Variants in CACNA1H observed in about 807,000 individuals in gnomAD.
CACNA1H encodes voltage-dependent T-type calcium channel subunit alpha-1H.
CACNA1H carries 149 observed loss-of-function variants against 192.5 expected under a neutral mutation model. That is an observed-to-expected ratio of 0.77 (90% CI 0.68 to 0.89). The LOEUF is 0.89. Among genes scored for constraint, CACNA1H ranks in the 40% least tolerant of loss-of-function variants. The pLI is 0.00. For synonymous variants in CACNA1H, 2,202 were observed against 1,475.2 expected (o/e 1.49, Z -11.29); for missense variants, 4,257 against 3,423.5 (o/e 1.24, Z -6.08).
chr16:1,154,783 C>G (rs566071922), intron 2 of CACNA1H, among the ~76,000 whole-genome samples: 1 of 152,298 alleles, frequency 6.6e-6, no homozygotes, highest in South Asian at 2.1e-4. Flanking sequence ...AGAGAAGGTT[C>G]CAGAACAGAG....
Position 1,220,955 on chromosome 16 carries a change from C to T in CACNA1H, c.7023C>T (p.Ala2341=). ...CPLEKPGSPS[A]TPAPGGGADD... ...TGGAGAAACCAGGGTCCCCCTCAGC[C>T]ACCCCTGCCCCAGGGGGTGGTGCAG... Residue 2341 remains alanine, a synonymous_variant, in exon 35 of 35, where the codon GCC becomes GCT. Transcript: ENST00000348261. The T allele has an allele frequency of 2.5e-6, 4 of 1,605,190 alleles. No individual in the cohort carries two copies. Among genetic ancestry groups the T allele is most frequent in the Non-Finnish European group, 3.4e-6 (4 of 1,175,678 alleles).
chr16:1,207,719 G>T, intron 14 of CACNA1H, 51 bp from the exon 15 acceptor site: 1 of 1,474,288 alleles, frequency 6.8e-7, no homozygotes, highest in Non-Finnish European at 9.3e-7. Flanking sequence ...GGCATGAAGG[G>T]TCCCCACTCA....
chr16:1,182,560 G>C (rs113276398), intron 2 of CACNA1H, among the ~76,000 whole-genome samples: 2 of 152,144 alleles, frequency 1.3e-5, no homozygotes, highest in Admixed American at 6.5e-5. Flanking sequence ...CCAACTGCCC[G>C]TGTGAGTCAC....
intron 2 of CACNA1H, among the ~76,000 whole-genome samples, chr16:1,185,648 GT>G (rs1567475649): frequency 1.3e-3 from 18 of 13,778 alleles, no homozygotes; most frequent in East Asian, 5.3e-3. Context: ...CGAGTAGACG[GT>G]CGGCATGCAT....
rs1164666853 is a variant in CACNA1H, at chr16:1,201,781, A to G, written c.1331A>G (p.Asp444Gly). Residue 444 changes from aspartate to glycine, a missense_variant, in exon 9 of 35, where the codon GAC becomes GGC. Coordinates refer to ENST00000348261, the MANE Select transcript of CACNA1H (RefSeq NM_021098.3). ...CAGCGGGCACGCCACCTGTCCAACG[A>G]CAGCACGCTGGCCAGCTTCTCCGAG... is the stretch of plus-strand genomic sequence containing the variant. The part of the protein sequence containing the change: ...REQRARHLSN[D>G]STLASFSEPG... The G allele has an allele frequency of 6.2e-7, 1 of 1,602,406 alleles. No homozygotes were observed. The highest frequency in any genetic ancestry group is 1.7e-5 in the Admixed American group (1 of 58,508).
At chr16:1,190,273 A>C (rs1467957988) in intron 2 of CACNA1H, among the ~76,000 whole-genome samples, 1 of 152,268 alleles carries the variant, frequency 6.6e-6, no homozygotes, top group African/African-American at 2.4e-5. Context: ...AATTTATAGA[A>C]GTTGATTTGA....
rs1193694498 is a variant in CACNA1H at position 1,210,055 on chromosome 16, T to A, written c.3765T>A (p.His1255Gln). ...DSEDSCCLRL[H>Q]KVLEPYKPQW... ...CACAGAGCTGCTGCCTCCGCCTGCA[T>A]AAAGTGCTGGAGCCCTACAAGCCCC... Residue 1255 changes from histidine to glutamine, a missense_variant, in exon 18 of 35, where the codon CAT becomes CAA. Physicochemically the swap from His to Gln is conservative, Grantham distance 24. Transcript: ENST00000348261. The A allele has an allele frequency of 6.4e-7, 1 of 1,552,912 alleles. No individual in the cohort carries two copies. Among genetic ancestry groups the A allele is most frequent in the East Asian group, 2.4e-5 (1 of 41,068 alleles).
rs762016050 is a variant in CACNA1H at position 1,211,247 on chromosome 16, C to T, written c.4303C>T (p.Leu1435Phe). 6 of 1,613,020 alleles carry T rather than the reference C, an allele frequency of 3.7e-6. No homozygotes were observed. The Admixed American group carries it at 5.0e-5, about 13-fold the overall frequency. The change falls in exon 22 of 35, where the codon CTC becomes TTC. Residue 1435 changes from leucine (L) to phenylalanine (F), a missense_variant. Coordinates refer to ENST00000348261, the MANE Select transcript of CACNA1H (RefSeq NM_021098.3). ...SSLRPIGNIV[L>F]ICCAFFIIFG... ...ACTCAGGCCCATTGGGAACATCGTC[C>T]TCATCTGCTGCGCCTTCTTCATCAT...
intron 7 of CACNA1H, 33 bp downstream of exon 7, chr16:1,200,604 G>T: frequency 6.2e-7 from 1 of 1,607,544 alleles, no homozygotes; most frequent in Non-Finnish European, 8.5e-7. Flanking sequence ...GGGGACCCTG[G>T]GGCACGGCAG....
chr16:1,213,744 C>T, intron 26 of CACNA1H, 36 bp from the exon 27 acceptor site: 1 of 1,473,000 alleles, frequency 6.8e-7, no homozygotes, highest in Non-Finnish European at 8.9e-7. Context: ...GCCGGGCGGC[C>T]CTCCTGCCCG....
chr16:1,195,792 T>G, intron 4 of CACNA1H, 134 bp from the exon 5 acceptor site: 1 of 892,632 alleles, frequency 1.1e-6, no homozygotes, highest in East Asian at 2.6e-5. Context: ...CTCGGGGCCC[T>G]TCCTGGCCAG....
chr16:1,214,244 A>G (rs1362919037), intron 27 of CACNA1H, among the ~76,000 whole-genome samples: 2 of 151,974 alleles, frequency 1.3e-5, no homozygotes, highest in Non-Finnish European at 2.9e-5. Flanking sequence ...GGAGCCAGGC[A>G]GGCCTGAGGT....
chr16:1,202,228 A>G lies in CACNA1H; in HGVS notation c.1778A>G (p.His593Arg). ...CCGCAGGAGAGGGCCCGGGTGGCAC[A>G]TGCCGCAGCCACTGCCGCTGCCAGC... is the stretch of plus-strand genomic sequence containing the variant. The part of the protein sequence containing the change: ...EGPQERARVA[H>R]AAATAAASLR... The change falls in exon 9 of 35, where the codon CAT becomes CGT. Residue 593 changes from histidine (H) to arginine (R), a missense_variant. Coordinates refer to ENST00000348261, the MANE Select transcript of CACNA1H (RefSeq NM_021098.3). 1 of 1,556,136 alleles carries G rather than the reference A, an allele frequency of 6.4e-7. No individual in the cohort carries two copies. Among genetic ancestry groups the G allele is most frequent in the East Asian group, 2.4e-5 (1 of 41,154 alleles).
At chr16:1,205,954 A>G (rs984551701) in intron 11 of CACNA1H, 150 bp from the exon 12 acceptor site, 13 of 719,776 alleles carry the variant, frequency 1.8e-5, no homozygotes, top group African/African-American at 1.6e-4. Flanking sequence ...GCAGCTGTTC[A>G]TGCACCTTGA....
At chr16:1,218,160 G>T (rs547940495) in intron 32 of CACNA1H, 50 bp from the exon 33 acceptor site, 2 of 1,533,184 alleles carry the variant, frequency 1.3e-6, no homozygotes, top group East Asian at 2.5e-5. Flanking sequence ...TGCCAGGGTG[G>T]CACCCGCGGG....
chr16:1,183,053 GCCCCCA>G (rs892989413), intron 2 of CACNA1H, among the ~76,000 whole-genome samples: 3 of 82,448 alleles, frequency 3.6e-5, no homozygotes, highest in African/African-American at 1.3e-4. Context: ...CACCACCCCC[GCCCCCA>G]CCCTCTGTGA....
At chr16:1,193,495 ACT>A (rs1433415556) in intron 2 of CACNA1H, among the ~76,000 whole-genome samples, 1 of 151,844 alleles carries the variant, frequency 6.6e-6, no homozygotes, top group Non-Finnish European at 1.5e-5. Context: ...GCGCTCACAC[ACT>A]CTGGCCGCTG....
chr16:1,169,506 A>G (rs988764091), intron 2 of CACNA1H, among the ~76,000 whole-genome samples: 1 of 152,138 alleles, frequency 6.6e-6, no homozygotes, highest in African/African-American at 2.4e-5. Flanking sequence ...TGGCGGGCAC[A>G]GCGCGTGTCT....
chr16:1,203,217 T>C (rs1218620170), intron 9 of CACNA1H, among the ~76,000 whole-genome samples: 1 of 152,130 alleles, frequency 6.6e-6, no homozygotes, highest in Non-Finnish European at 1.5e-5. Context: ...CCAGCCGCTG[T>C]GTGTTATAAG....
Sources: allele counts gnomAD v4.1 joint callset (sites outside exome capture counted in the v4.1 genomes callset), GRCh38; gene constraint gnomAD v4.1.1; transcripts MANE v1.5; gene names NCBI Gene and HGNC (gene_info 2026-07-23, HGNC 2026-07-21).